MED16: variants seen among roughly 807,000 people sequenced by gnomAD.
MED16 encodes mediator of RNA polymerase II transcription subunit 16.
Under a neutral mutation model 84.4 loss-of-function variants are expected in MED16, and 81 were observed. The ratio of observed to expected loss-of-function variants is 0.96; its 90% confidence interval spans 0.80 to 1.15. The LOEUF is 1.15. Among genes scored for constraint, MED16 ranks in the 50% most tolerant of loss-of-function variants. The pLI, the probability that MED16 is intolerant of heterozygous loss-of-function variation, is 0.00. For synonymous variants in MED16, 897 were observed against 552.2 expected, an observed-to-expected ratio of 1.62 and a Z score of -8.76; for missense variants, 1,585 against 1,245.9, an observed-to-expected ratio of 1.27 and a Z score of -4.10.
chr19:874,617 G>T (rs897417370), intron 10 of MED16, among the ~76,000 whole-genome samples: 1 of 152,194 alleles, frequency 6.6e-6, no homozygotes, highest in African/African-American at 2.4e-5. Flanking sequence ...GTCGGCCTGG[G>T]AGCGTCTCAG....
intron 1 of MED16, chr19:892,512 G>A (rs1435181702): frequency 2.3e-5 from 3 of 129,162 alleles, no homozygotes; most frequent in Non-Finnish European, 4.8e-5. Context: ...CCAAATACGA[G>A]GCTTCATCCC....
intron 1 of MED16, 71 bp downstream of exon 1, chr19:893,015 G>A (rs146932760): frequency 0.02 from 3,046 of 152,834 alleles, 58 homozygotes; most frequent in Non-Finnish European, 0.033. Context: ...GCTGCGCCGC[G>A]TTCCCTCGGG....
chr19:890,480 A>C, intron 2 of MED16: 1 of 439,326 alleles, frequency 2.3e-6, no homozygotes. Context: ...TGACTCCGAA[A>C]TGTGAACAGT....
chr19:878,102 A>C (rs2036304708), intron 8 of MED16, among the ~76,000 whole-genome samples: 2 of 65,656 alleles, frequency 3.0e-5, no homozygotes, highest in Non-Finnish European at 5.5e-5. Context: ...CCCCAGCGCC[A>C]CGTGCCCCAG....
chr19:884,988 G>C lies in MED16; in HGVS notation c.900C>G (p.Ser300Arg). Residue 300 changes from serine (S) to arginine (R), a missense_variant, in exon 6 of 16, where the codon AGC becomes AGG. By Grantham distance (110) the Ser-to-Arg change is moderately radical (BLOSUM62 -1). Transcript: ENST00000325464. ...MSEQVLLCAS[S>R]QTSSIVECWS... ...AGCACTCCACGATGCTGCTGGTCTG[G>C]CTGGACGCGCACAAAAGCACCTGCG... is the stretch of plus-strand genomic sequence containing the variant. 1.9e-6 allele frequency: 3 copies of C among 1,604,260 alleles called. No individual in the cohort carries two copies. Among genetic ancestry groups the C allele is most frequent in the Non-Finnish European group, 2.5e-6 (3 of 1,177,830 alleles).
rs756658898 is a variant in MED16, at chr19:891,127, C to T, written c.5G>A (p.Cys2Tyr). M[C>Y]DLRRPAAGGM... ...ACCTGCCGCTGGCCGCCGCAAATCACACATGAGGGCAGTCACCAGCTCCTG... is the reference window on the plus strand; with the variant it reads ...ACCTGCCGCTGGCCGCCGCAAATCATACATGAGGGCAGTCACCAGCTCCTG... The change falls in exon 2 of 16, where the codon TGT (cysteine) becomes TAT (tyrosine). Residue 2 changes from cysteine to tyrosine, a missense_variant. Coordinates refer to ENST00000325464, the MANE Select transcript of MED16 (RefSeq NM_005481.3). The T allele has an allele frequency of 2.5e-6, 4 of 1,612,104 alleles. No homozygotes were observed. In the Admixed American group the frequency reaches 5.0e-5, roughly 20 times the overall value.
At chr19:877,867 G>C (rs1359409976) in intron 8 of MED16, among the ~76,000 whole-genome samples, 2 of 144,004 alleles carry the variant, frequency 1.4e-5, no homozygotes, top group Non-Finnish European at 3.0e-5. Flanking sequence ...TGCCCCAGCA[G>C]CTCGCCTTCC....
intron 4 of MED16, among the ~76,000 whole-genome samples, chr19:887,744 G>A (rs920398957): frequency 6.6e-6 from 1 of 152,124 alleles, no homozygotes; most frequent in Non-Finnish European, 1.5e-5. Flanking sequence ...AGGACATCAC[G>A]CTCAGTAAGA....
chr19:870,349 T>C (rs2036017053), intron 13 of MED16, among the ~76,000 whole-genome samples: 1 of 151,778 alleles, frequency 6.6e-6, no homozygotes, highest in Non-Finnish European at 1.5e-5. Context: ...TCACCTGAGG[T>C]CAGGAGTTCA....
rs943122418 is a variant in MED16, at chr19:876,873, C to T, written c.1560+101G>A. 2.5e-6 allele frequency: 3 copies of T among 1,223,560 alleles called. No homozygotes were observed. The African/African-American group carries it at 4.7e-5, about 19-fold the overall frequency. 75.8% of individuals were successfully genotyped at this position (1,223,560 alleles called of 1,614,324 possible). A position where few individuals can be genotyped will look rare whatever the true frequency, so the allele number is the denominator to read the frequency against. On this transcript the variant is annotated intron_variant, in intron 9 of 15. Transcript: ENST00000325464. ...CCCCACCTGGCACGGGACCACCTGC[C>T]ACGGGGCCCCCACCTGCCACGGGGC...
At chr19:880,670 A>C (rs558078977) in intron 7 of MED16, among the ~76,000 whole-genome samples, 1 of 152,360 alleles carries the variant, frequency 6.6e-6, no homozygotes, top group South Asian at 2.1e-4. Context: ...CTGTAATCCT[A>C]GCACTTTGGG....
intron 7 of MED16, 121 bp downstream of exon 7, chr19:881,438 G>A: frequency 1.7e-6 from 2 of 1,191,470 alleles, no homozygotes; most frequent in Non-Finnish European, 2.3e-6. Context: ...CAGCCCCATG[G>A]CCTGTGCTCA....
chr19:883,632 G>A (rs1246818912), intron 6 of MED16, among the ~76,000 whole-genome samples: 1 of 152,160 alleles, frequency 6.6e-6, no homozygotes, highest in Admixed American at 6.5e-5. Flanking sequence ...TGGGCCAGCA[G>A]GTGAGGACGG....
Position 875,337 on chromosome 19 carries a change from G to A in MED16, c.1678C>T (p.Leu560=), listed in dbSNP as rs28578406. Residue 560 remains leucine, a synonymous_variant, in exon 10 of 16, where the codon CTG becomes TTG. Coordinates refer to ENST00000325464, the MANE Select transcript of MED16 (RefSeq NM_005481.3). ...AAGTGGGGGCGCAGCAGCGACTTCA[G>A]GGTGGAGCTGATGGCGATGAGGAAG... ...KLFLIAISST[L]KSLLRPHFLN... 1,314 of 1,610,528 alleles carry A rather than the reference G, an allele frequency of 8.2e-4. 12 individuals carry two copies. The African/African-American group carries it at 0.015, about 18-fold the overall frequency.
Position 877,011 on chromosome 19 carries a change from T to C in MED16, c.1523A>G (p.His508Arg), listed in dbSNP as rs771963117. The part of the protein sequence containing the change: ...SMVQSLVEKL[H>R]EEYTRQTAAL... ...AGCGGTCTGGCGCGTGTACTCCTCG[T>C]GCAGCTTCTCCACCAGGCTCTGTAC... The change falls in exon 9 of 16, where the codon CAC (histidine) becomes CGC (arginine). Residue 508 changes from histidine to arginine, a missense_variant. Coordinates refer to ENST00000325464, the MANE Select transcript of MED16 (RefSeq NM_005481.3). The C allele has an allele frequency of 1.9e-6, 3 of 1,612,208 alleles. No individual in the cohort carries two copies. Among genetic ancestry groups the C allele is most frequent in the Non-Finnish European group, 2.5e-6 (3 of 1,179,758 alleles).
At position 884,887 on chromosome 19, in the gene MED16, C is replaced by A. The variant is rs371786864; in HGVS notation, c.985+16G>T. ...GAGGGCAGGCCCAGGGCCTCCGCAGCCGGCGGGAGACTCACCCACGGGGGA... is the reference window on the plus strand; with the variant it reads ...GAGGGCAGGCCCAGGGCCTCCGCAGACGGCGGGAGACTCACCCACGGGGGA... On this transcript the variant is annotated intron_variant, in intron 6 of 15. Coordinates refer to ENST00000325464, the MANE Select transcript of MED16 (RefSeq NM_005481.3). 59 of 1,591,218 alleles carry A rather than the reference C, an allele frequency of 3.7e-5. No homozygotes were observed. The African/African-American group carries it at 7.4e-4, about 20-fold the overall frequency.
Position 890,126 on chromosome 19 carries a change from C to A in MED16, c.277+11G>T, listed in dbSNP as rs2036604670. 3 of 1,540,842 alleles carry A rather than the reference C, an allele frequency of 1.9e-6. No individual in the cohort carries two copies. The highest frequency in any genetic ancestry group is 2.6e-6 in the Non-Finnish European group (3 of 1,141,576). On this transcript the variant is annotated intron_variant, in intron 3 of 15. Coordinates refer to ENST00000325464, the MANE Select transcript of MED16 (RefSeq NM_005481.3). Reference sequence around the variant, plus strand: ...GTCGCCACCCCTGGCCACGTGGGACCAGCGCCTCACCTGACTGGTCCCACT... The same window carrying A: ...GTCGCCACCCCTGGCCACGTGGGACAAGCGCCTCACCTGACTGGTCCCACT...
Position 880,110 on chromosome 19 carries a change from C to G in MED16, c.1180G>C (p.Val394Leu), listed in dbSNP as rs777653749. 15 of 1,610,288 alleles carry G rather than the reference C, an allele frequency of 9.3e-6. No homozygotes were observed. The highest frequency in any genetic ancestry group is 1.7e-5 in the Admixed American group (1 of 59,936). The change falls in exon 8 of 16, where the codon GTG (valine) becomes CTG (leucine). Residue 394 changes from valine to leucine, a missense_variant. Transcript: ENST00000325464. ...ATGGTCTGCAGTGAGAGCCGGTGCA[C>G]GATGTGGACGCTGCCGTCGTGGAAG... Reference protein sequence around the residue: ...LAFHDGSVHIVHRLSLQTMAV... With the variant: ...LAFHDGSVHILHRLSLQTMAV...
intron 12 of MED16, chr19:871,682 C>A (rs1262658410): frequency 6.5e-7 from 1 of 1,540,388 alleles, no homozygotes. Flanking sequence ...TAGCAGATAT[C>A]AAGGCAGAGC....
Sources: allele counts gnomAD v4.1 joint callset (sites outside exome capture counted in the v4.1 genomes callset), GRCh38; gene constraint gnomAD v4.1.1; transcripts MANE v1.5; gene names NCBI Gene and HGNC (gene_info 2026-07-23, HGNC 2026-07-21).